Variants in CNPY2 observed in about 807,000 individuals in gnomAD.
CNPY2 encodes canopy FGF signaling regulator 2.
In CNPY2, 19 loss-of-function variants were observed where a neutral mutation model predicts 25.5. That is an observed-to-expected ratio of 0.74 (90% CI 0.52 to 1.09). The LOEUF is 1.09. CNPY2 is among the 50% of genes least tolerant of loss of function. The pLI is 0.00. For missense variants in CNPY2, 214 were observed against 233.6 expected (o/e 0.92, Z 0.55); for synonymous variants, 82 against 85.0 (o/e 0.96, Z 0.19).
chr12:56,311,303 C>A lies in CNPY2; in HGVS notation c.316G>T (p.Val106Leu). 1 of 1,614,156 alleles carries A rather than the reference C, an allele frequency of 6.2e-7. No homozygotes were observed. Among genetic ancestry groups the A allele is most frequent in the East Asian group, 2.2e-5 (1 of 44,884 alleles). Residue 106 changes from valine (V) to leucine (L), a missense_variant, in exon 4 of 6, where the codon GTA (valine) becomes TTA (leucine). Coordinates refer to ENST00000273308, the MANE Select transcript of CNPY2 (RefSeq NM_014255.7). The part of the protein sequence containing the change: ...IDPSTHRKNY[V>L]RVVGRNGESS... ...TCTCCATTCCGGCCCACTACACGTA[C>A]GTAGTTCTTGCGATGGGTGGAAGGA...
Position 56,310,000 on chromosome 12 carries a change from T to G in CNPY2, c.*552A>C. ...GAGTTGGTCACATCCATTTTCCCCT[T>G]CCTGTCTCTGTTCTTGCTGGTCCCT... On this transcript the variant is annotated 3_prime_UTR_variant, in exon 6 of 6. Transcript: ENST00000273308. The G allele has an allele frequency of 1.4e-6, 1 of 702,278 alleles. No individual in the cohort carries two copies. The allele number at this position is 702,278 out of a possible 1,614,324, so 43.5% of individuals were successfully genotyped here.
upstream of CNPY2, chr12:56,316,288 T>C (rs1592424609): frequency 1.3e-5 from 2 of 152,608 alleles, no homozygotes; most frequent in South Asian, 4.1e-4. Flanking sequence ...CCAGCCCAGG[T>C]GGGCTAGGAC....
At chr12:56,311,546 T>C in intron 3 of CNPY2, 132 bp from the exon 4 acceptor site, 1 of 952,264 alleles carries the variant, frequency 1.1e-6, no homozygotes, top group Non-Finnish European at 1.6e-6. Flanking sequence ...TTTTAATTAG[T>C]TTTGTTTGTT....
At chr12:56,311,746 T>C (rs901040874) in intron 3 of CNPY2, 5 of 361,324 alleles carry the variant, frequency 1.4e-5, no homozygotes, top group African/African-American at 1.1e-4. Context: ...GAGATGGGGT[T>C]TCTCTGTGTT....
At position 56,310,729 on chromosome 12, in the gene CNPY2, A is replaced by G. The variant is rs934740509; in HGVS notation, c.506-134T>C. On this transcript the variant is annotated intron_variant, in intron 5 of 5. Coordinates refer to ENST00000273308, the MANE Select transcript of CNPY2 (RefSeq NM_014255.7). ...TCTGCAGAATATATGCTTATAAATG[A>G]TAAAACATCCCCACTGTCCTCTCAC... 498 of 955,498 alleles carry G rather than the reference A, an allele frequency of 5.2e-4. 4 individuals are homozygous for G. The highest frequency in any genetic ancestry group is 2.5e-5 in the Non-Finnish European group (15 of 604,666). 59.2% of individuals were successfully genotyped at this position (955,498 alleles called of 1,614,324 possible).
In CNPY2 at chr12:56,310,596, C is replaced by G; in HGVS notation, c.506-1G>C. 6.2e-7 allele frequency: 1 copy of G among 1,614,196 alleles called. No individual in the cohort carries two copies. The highest frequency in any genetic ancestry group is 8.5e-7 in the Non-Finnish European group (1 of 1,180,030). ...ATGTGCAGGGCATGGTCACAAAGAT[C>G]TGCAAATGGCAAACAATTTAAAGGA... On this transcript the variant is annotated splice_acceptor_variant, in intron 5 of 5. Transcript: ENST00000273308. LOFTEE classifies it high-confidence loss of function.
At chr12:56,313,125 TC>T (rs1873770521) in intron 3 of CNPY2, among the ~76,000 whole-genome samples, 1 of 152,030 alleles carries the variant, frequency 6.6e-6, no homozygotes, top group Non-Finnish European at 1.5e-5. Context: ...ATGCTATCCC[TC>T]CCCTAGCCCC....
At chr12:56,312,135 C>T (rs1166304639) in intron 3 of CNPY2, among the ~76,000 whole-genome samples, 2 of 152,174 alleles carry the variant, frequency 1.3e-5, no homozygotes, top group Non-Finnish European at 2.9e-5. Flanking sequence ...ACCTTGGCCT[C>T]CCCAGGTGCT....
Position 56,311,359 on chromosome 12 carries a change from T to C in CNPY2, c.260A>G (p.Asp87Gly), listed in dbSNP as rs566322032. The C allele has an allele frequency of 6.2e-7, 1 of 1,614,124 alleles. No homozygotes were observed. Among genetic ancestry groups the C allele is most frequent in the South Asian group, 1.1e-5 (1 of 91,074 alleles). The change falls in exon 4 of 6, where the codon GAC (aspartate) becomes GGC (glycine). Residue 87 changes from aspartate (D) to glycine (G), a missense_variant. By Grantham distance (94) the Asp-to-Gly change is moderately conservative (BLOSUM62 -1). Coordinates refer to ENST00000273308, the MANE Select transcript of CNPY2 (RefSeq NM_014255.7). ...HLTELLEEICDRMKEYGEQID... is the reference protein window; with the variant it reads ...HLTELLEEICGRMKEYGEQID... ...CTGTTCCCCATACTCCTTCATCCGGTCACATATCTCCTCCAGCAGCTCTGT... is the reference window on the plus strand; with the variant it reads ...CTGTTCCCCATACTCCTTCATCCGGCCACATATCTCCTCCAGCAGCTCTGT...
rs751147048 is a variant in CNPY2, at chr12:56,315,209, G to A, written c.9C>T (p.Gly3=). ...CCAGAAGCAGGGCCAGCCAACCCCA[G>A]CCTTTCATCTTTAGCGTAATGGGGT... MK[G]WGWLALLLGA... Residue 3 remains glycine, a synonymous_variant, in exon 2 of 6, where the codon GGC becomes GGT. Transcript: ENST00000273308. The A allele has an allele frequency of 6.2e-7, 1 of 1,613,910 alleles. No individual in the cohort carries two copies.
At chr12:56,311,785 C>T in intron 3 of CNPY2, 1 of 317,320 alleles carries the variant, frequency 3.2e-6, no homozygotes, top group South Asian at 2.7e-5. Context: ...CTCCAGACCT[C>T]AGGTGATCTG....
At position 56,314,830 on chromosome 12, in the gene CNPY2, TG is replaced by T; in HGVS notation, c.204+20del. 6.2e-7 allele frequency: 1 copy of T among 1,614,194 alleles called. No individual in the cohort carries two copies. The highest frequency in any genetic ancestry group is 8.5e-7 in the Non-Finnish European group (1 of 1,180,032). ...CAAAGCCAGAGTGAGCTACTTTGTT[TG>T]GGGGAACAGTAACAGTTACCTCCAC... On this transcript the variant is annotated intron_variant, in intron 3 of 5. Transcript: ENST00000273308.
At chr12:56,311,751 T>G in intron 3 of CNPY2, 1 of 357,716 alleles carries the variant, frequency 2.8e-6, no homozygotes, top group South Asian at 2.2e-5. Flanking sequence ...GGGGTTTCTC[T>G]GTGTTGGTCG....
At chr12:56,311,798 T>A (rs977659365) in intron 3 of CNPY2, 1 of 301,954 alleles carries the variant, frequency 3.3e-6, no homozygotes, top group Admixed American at 4.8e-5. Context: ...GTGATCTGCC[T>A]GCCTCGGCAT....
chr12:56,312,134 T>A (rs1873736158), intron 3 of CNPY2, among the ~76,000 whole-genome samples: 2 of 151,896 alleles, frequency 1.3e-5, no homozygotes, highest in African/African-American at 4.8e-5. Flanking sequence ...CACCTTGGCC[T>A]CCCCAGGTGC....
chr12:56,311,049 C>G lies in CNPY2; in HGVS notation c.414G>C (p.Glu138Asp). Residue 138 changes from glutamate (E) to aspartate (D), a missense_variant, in exon 5 of 6, where the codon GAG (glutamate) becomes GAC (aspartate). Physicochemically the swap from Glu to Asp is conservative, Grantham distance 45. Coordinates refer to ENST00000273308, the MANE Select transcript of CNPY2 (RefSeq NM_014255.7). ...DISGTLKFACESIVEEYEDEL... is the reference protein window; with the variant it reads ...DISGTLKFACDSIVEEYEDEL... ...CATCCTCGTATTCCTCCACAATGCTCTCACACTGCCAACCCAAGGGAGAAA... is the reference window on the plus strand; with the variant it reads ...CATCCTCGTATTCCTCCACAATGCTGTCACACTGCCAACCCAAGGGAGAAA... 1 of 1,614,130 alleles carries G rather than the reference C, an allele frequency of 6.2e-7. No homozygotes were observed. Among genetic ancestry groups the G allele is most frequent in the Non-Finnish European group, 8.5e-7 (1 of 1,180,026 alleles).
upstream of CNPY2, chr12:56,316,135 C>A (rs3809128): frequency 6.5e-6 from 1 of 152,690 alleles, no homozygotes; most frequent in Non-Finnish European, 1.5e-5. Context: ...ACAGCAAGGA[C>A]CCCGGTCAAT....
intron 3 of CNPY2, among the ~76,000 whole-genome samples, chr12:56,313,898 G>A (rs1308954956): frequency 2.7e-5 from 4 of 149,918 alleles, no homozygotes; most frequent in Admixed American, 6.6e-5. Context: ...GAGCCACCGC[G>A]CCCGGCCTTT....
rs1362315446 is a variant in CNPY2 at position 56,310,095 on chromosome 12, A to G, written c.*457T>C. On this transcript the variant is annotated 3_prime_UTR_variant, in exon 6 of 6. Coordinates refer to ENST00000273308, the MANE Select transcript of CNPY2 (RefSeq NM_014255.7). Reference sequence around the variant, plus strand: ...TTCCTTCAAGACCAAGCCCTGTCTTACTTTATGTTTCAACAGCCATGAACA... The same window carrying G: ...TTCCTTCAAGACCAAGCCCTGTCTTGCTTTATGTTTCAACAGCCATGAACA... 1.5e-6 allele frequency: 1 copy of G among 657,904 alleles called. No homozygotes were observed. The highest frequency in any genetic ancestry group is 2.7e-6 in the Non-Finnish European group (1 of 365,822). The allele number at this position is 657,904 out of a possible 1,614,324, so 40.8% of individuals were successfully genotyped here. A position where few individuals can be genotyped will look rare whatever the true frequency, so the allele number is the denominator to read the frequency against.
Sources: gnomAD v4.1 joint callset for allele counts (sites outside exome capture counted in the v4.1 genomes callset) on GRCh38, gnomAD v4.1.1 for gene constraint, MANE v1.5 for transcripts, NCBI Gene and HGNC (gene_info 2026-07-23, HGNC 2026-07-21) for gene names.